The following HTR1E variants were observed in gnomAD, a reference collection of about 807,000 sequenced individuals.
The protein encoded by HTR1E is 5-HT-1E.
HTR1E carries 3 observed loss-of-function variants against 3.4 expected under a neutral mutation model. The ratio of observed to expected loss-of-function variants is 0.89; its 90% CI spans 0.41 to 2.31. The LOEUF is 2.31. Among genes scored for constraint, HTR1E ranks in the 30% most tolerant of loss-of-function variants. The pLI is 0.05. For synonymous variants in HTR1E, 170 were observed against 182.8 expected (o/e 0.93, Z 0.56); for missense variants, 392 against 467.0 (o/e 0.84, Z 1.48).
chr6:87,016,649 AAT>A lies in HTR1E; in HGVS notation c.*218_*219del. 2.5e-6 allele frequency: 1 copy of A among 403,898 alleles called. No homozygotes were observed. 25.0% of individuals were successfully genotyped at this position (403,898 alleles called of 1,614,324 possible). On this transcript the variant is annotated 3_prime_UTR_variant, in exon 2 of 2. Coordinates refer to ENST00000305344, the MANE Select transcript of HTR1E (RefSeq NM_000865.3). Reference sequence around the variant, plus strand: ...ACCTCTGGTCTTATCTGTGATACATAATTTCAAATAAACATTATCATACAAAA... The same window carrying A: ...ACCTCTGGTCTTATCTGTGATACATATTCAAATAAACATTATCATACAAAA...
chr6:86,975,055 T>C (rs1767610791), intron 1 of HTR1E, among the ~76,000 whole-genome samples: 1 of 152,216 alleles, frequency 6.6e-6, no homozygotes, highest in African/African-American at 2.4e-5. Context: ...CTAGGAGTTT[T>C]TATTGCATTT....
At chr6:86,963,149 C>T (rs558017631) in intron 1 of HTR1E, among the ~76,000 whole-genome samples, 3 of 152,132 alleles carry the variant, frequency 2.0e-5, no homozygotes, top group African/African-American at 7.2e-5. Context: ...ATCATTCTGA[C>T]CTTGTGTAGT....
chr6:86,999,761 G>C (rs1432187505), intron 1 of HTR1E, among the ~76,000 whole-genome samples: 1 of 152,142 alleles, frequency 6.6e-6, no homozygotes, highest in East Asian at 1.9e-4. Flanking sequence ...GAGGTAGCTT[G>C]AGAAAGTTCA....
At position 86,951,080 on chromosome 6, in the gene HTR1E, T is replaced by C. The variant is rs149241910; in HGVS notation, c.-186+13257T>C. ...TTCCTTGTCATGATGATTTTGATAA[T>C]ATTATTGACATTCTTTCAGATTCCA... On this transcript the variant is annotated intron_variant, in intron 1 of 1. Transcript: ENST00000305344. Among the ~76,000 whole-genome samples the C allele has an allele frequency of 3.3e-5, 5 of 152,334 alleles. No individual in the cohort carries two copies. The East Asian group carries it at 9.6e-4, about 29-fold the overall frequency.
rs1166424141 is a variant in HTR1E at position 87,016,173 on chromosome 6, A to C, written c.839A>C (p.Gln280Pro). Residue 280 changes from glutamine to proline, a missense_variant, in exon 2 of 2, where the codon CAG becomes CCG. Transcript: ENST00000305344. The part of the protein sequence containing the change: ...NDLDHPGERQ[Q>P]ISSTRERKAA... The stretch of plus-strand genomic sequence containing the variant: ...CTAGATCACCCAGGAGAACGTCAGC[A>C]GATCTCTAGCACCAGGGAACGGAAG... The C allele has an allele frequency of 1.9e-6, 3 of 1,614,078 alleles. No homozygotes were observed. Among genetic ancestry groups the C allele is most frequent in the East Asian group, 2.2e-5 (1 of 44,888 alleles).
At position 86,983,494 on chromosome 6, in the gene HTR1E, G is replaced by A. The variant is rs1767740919; in HGVS notation, c.-185-31656G>A. ...TCACGTGAATATACTGAATAAAATGGTGGTTCCCAGAAGCTGGGACAAGTA... is the reference window on the plus strand; with the variant it reads ...TCACGTGAATATACTGAATAAAATGATGGTTCCCAGAAGCTGGGACAAGTA... On this transcript the variant is annotated intron_variant, in intron 1 of 1. Coordinates refer to ENST00000305344, the MANE Select transcript of HTR1E (RefSeq NM_000865.3). Among the ~76,000 whole-genome samples the A allele has an allele frequency of 2.0e-5, 3 of 152,258 alleles. No individual in the cohort carries two copies. In the South Asian group the frequency reaches 6.2e-4, roughly 32 times the overall value.
intron 1 of HTR1E, among the ~76,000 whole-genome samples, chr6:86,948,956 G>T (rs968172806): frequency 1.3e-5 from 2 of 152,110 alleles, no homozygotes; most frequent in South Asian, 4.1e-4. Flanking sequence ...AGATTCTTGG[G>T]TATATTATTT....
chr6:87,012,039 C>T (rs1482746546), intron 1 of HTR1E, among the ~76,000 whole-genome samples: 2 of 152,086 alleles, frequency 1.3e-5, no homozygotes, highest in East Asian at 1.9e-4. Flanking sequence ...TGGCTAGGGA[C>T]TTAGGGGCTA....
chr6:87,011,906 A>G (rs573937386), intron 1 of HTR1E, among the ~76,000 whole-genome samples: 5 of 152,226 alleles, frequency 3.3e-5, no homozygotes, highest in African/African-American at 1.2e-4. Flanking sequence ...CCAATGGTCT[A>G]CATACCTTTC....
rs908741689 is a variant in HTR1E at position 87,001,046 on chromosome 6, GTTTA to G, written c.-185-14101_-185-14098del. Among the ~76,000 whole-genome samples, 10 of 152,112 alleles carry G rather than the reference GTTTA, an allele frequency of 6.6e-5. 1 individual carries two copies. The highest frequency in any genetic ancestry group is 1.0e-4 in the Non-Finnish European group (7 of 68,014). On this transcript the variant is annotated intron_variant, in intron 1 of 1. Transcript: ENST00000305344. ...TTATTAGTTTTCTCTTTGCTTATTA[GTTTA>G]TTATTTATGAAATTAGTCTGTTTTA...
intron 1 of HTR1E, among the ~76,000 whole-genome samples, chr6:86,959,042 G>T (rs1767367964): frequency 6.6e-6 from 1 of 151,324 alleles, no homozygotes; most frequent in South Asian, 2.1e-4. Context: ...AGCCTGGCAA[G>T]TTCAAAATCT....
At chr6:86,988,554 C>T (rs1435950521) in intron 1 of HTR1E, among the ~76,000 whole-genome samples, 4 of 152,142 alleles carry the variant, frequency 2.6e-5, no homozygotes, top group Admixed American at 6.5e-5. Flanking sequence ...AGTTTGCAAA[C>T]TTACCTTAGA....
At chr6:86,969,277 G>C (rs1434208251) in intron 1 of HTR1E, among the ~76,000 whole-genome samples, 1 of 152,098 alleles carries the variant, frequency 6.6e-6, no homozygotes, top group Non-Finnish European at 1.5e-5. Context: ...GAGCAAATAG[G>C]AACAGAGGAA....
chr6:86,949,209 T>G (rs1424902031), intron 1 of HTR1E, among the ~76,000 whole-genome samples: 1 of 152,186 alleles, frequency 6.6e-6, no homozygotes, highest in Non-Finnish European at 1.5e-5. Flanking sequence ...TATATGACCT[T>G]TCCCCAGTCA....
chr6:86,995,978 C>T (rs997474570), intron 1 of HTR1E, among the ~76,000 whole-genome samples: 2 of 151,696 alleles, frequency 1.3e-5, no homozygotes, highest in African/African-American at 4.8e-5. Context: ...ATACGTGAAG[C>T]AAAATTTAAC....
chr6:86,942,473 T>C (rs1265716685), intron 1 of HTR1E, among the ~76,000 whole-genome samples: 1 of 152,202 alleles, frequency 6.6e-6, no homozygotes, highest in East Asian at 1.9e-4. Flanking sequence ...TATCCTACCA[T>C]ATAGTTCATC....
intron 1 of HTR1E, among the ~76,000 whole-genome samples, chr6:86,963,143 T>C (rs1767430810): frequency 6.6e-6 from 1 of 152,222 alleles, no homozygotes; most frequent in Non-Finnish European, 1.5e-5. Context: ...ATATTGATCA[T>C]TCTGACCTTG....
intron 1 of HTR1E, among the ~76,000 whole-genome samples, chr6:86,951,079 ATAT>A (rs1281414803): frequency 1.3e-5 from 2 of 152,146 alleles, no homozygotes; most frequent in African/African-American, 4.8e-5. Context: ...GATTTTGATA[ATAT>A]TATTGACATT....
chr6:86,941,233 T>C (rs1430946764), intron 1 of HTR1E, among the ~76,000 whole-genome samples: 1 of 152,252 alleles, frequency 6.6e-6, no homozygotes, highest in Admixed American at 6.5e-5. Flanking sequence ...CCACATTTTG[T>C]GGATTAAGAA....
Sources: gnomAD v4.1 joint callset for allele counts (sites outside exome capture counted in the v4.1 genomes callset) on GRCh38, gnomAD v4.1.1 for gene constraint, MANE v1.5 for transcripts, NCBI Gene and HGNC (gene_info 2026-07-23, HGNC 2026-07-21) for gene names.